LHX9: variants seen among roughly 807,000 people sequenced by gnomAD.
The protein encoded by LHX9 is LIM/homeobox protein Lhx9.
LHX9 carries 9 observed loss-of-function variants against 36.5 expected under a neutral mutation model. The observed-to-expected ratio is 0.25, with a 90% CI of 0.15 to 0.43. LHX9 has a LOEUF of 0.43. Ranked by LOEUF, LHX9 falls within the 20% of genes least tolerant of loss-of-function variation. The pLI is 1.00. For synonymous variants in LHX9, 211 were observed against 212.1 expected (o/e 0.99, Z 0.04); for missense variants, 464 against 526.4 (o/e 0.88, Z 1.16).
Position 197,933,994 on chromosome 1 carries a change from A to G in LHX9, c.*4735A>G, listed in dbSNP as rs1198319883. On this transcript the variant is annotated 3_prime_UTR_variant, in exon 5 of 5. Coordinates refer to ENST00000367387, the MANE Select transcript of LHX9 (RefSeq NM_020204.3). ...CCTGGGTTAGTCTAACTTCTGGCAG[A>G]TTGATCTTGGGCAAAAAGCTTCACT... is the stretch of plus-strand genomic sequence containing the variant. 1.3e-5 allele frequency: 2 copies of G among 152,190 alleles called. No homozygotes were observed. 9.4% of individuals were successfully genotyped at this position (152,190 alleles called of 1,614,324 possible).
chr1:197,928,933 A>C lies in LHX9; in HGVS notation c.937-69A>C, dbSNP rs574805551. The C allele has an allele frequency of 3.5e-6, 5 of 1,419,848 alleles. No individual in the cohort carries two copies. In the African/African-American group the frequency reaches 7.2e-5, roughly 21 times the overall value. The allele number at this position is 1,419,848 out of a possible 1,614,324, so 88.0% of individuals were successfully genotyped here. On this transcript the variant is annotated intron_variant, in intron 4 of 4. Coordinates refer to ENST00000367387, the MANE Select transcript of LHX9 (RefSeq NM_020204.3). ...AAGAAAGAAAAAGAAAAAAAGAAAA[A>C]GTGAGAGAGAAAGAAAAGAAATATA...
Position 197,929,019 on chromosome 1 carries a change from A to T in LHX9, c.954A>T (p.Ala318=). 6.2e-7 allele frequency: 1 copy of T among 1,609,634 alleles called. No individual in the cohort carries two copies. The highest frequency in any genetic ancestry group is 8.5e-7 in the Non-Finnish European group (1 of 1,178,080). The stretch of plus-strand genomic sequence containing the variant: ...GTTTGCAGGTTTGGTTCCAAAACGC[A>T]CGAGCCAAATTCAGAAGGAACCTTT... The part of the protein sequence containing the change: ...KRVLQVWFQN[A]RAKFRRNLLR... The change falls in exon 5 of 5, where the codon GCA becomes GCT. Residue 318 remains alanine (A), a synonymous_variant. Transcript: ENST00000367387.
intron 3 of LHX9, among the ~76,000 whole-genome samples, chr1:197,924,295 T>C (rs1557975161): frequency 6.6e-6 from 1 of 152,258 alleles, no homozygotes; most frequent in Non-Finnish European, 1.5e-5. Context: ...GTAAGGTTGA[T>C]ACTAAACTAA....
In LHX9 at chr1:197,927,723, A is replaced by G; in HGVS notation, c.866A>G (p.Asn289Ser). The change falls in exon 4 of 5, where the codon AAC (asparagine) becomes AGC (serine). Residue 289 changes from asparagine (N) to serine (S), a missense_variant. Around this residue, in one of 5 missense-constraint regions of LHX9, gnomAD observed 20 missense variants for 67.0 expected, o/e 0.30. Transcript: ENST00000367387. The stretch of plus-strand genomic sequence containing the variant: ...ACCATGAAATCCTACTTTGCCATCA[A>G]CCACAACCCGGATGCCAAGGACCTC... ...LRTMKSYFAI[N>S]HNPDAKDLKQ... The G allele has an allele frequency of 6.2e-7, 1 of 1,614,222 alleles. No homozygotes were observed. Among genetic ancestry groups the G allele is most frequent in the Non-Finnish European group, 8.5e-7 (1 of 1,180,030 alleles).
rs1308971694 is a variant in LHX9, at chr1:197,930,053, G to A, written c.*794G>A. 2.0e-5 allele frequency: 20 copies of A among 979,000 alleles called. No individual in the cohort carries two copies. Among genetic ancestry groups the A allele is most frequent in the South Asian group, 9.5e-5 (2 of 21,144 alleles). 60.6% of individuals were successfully genotyped at this position (979,000 alleles called of 1,614,324 possible). A position where few individuals can be genotyped will look rare whatever the true frequency, so the allele number is the denominator to read the frequency against. ...CTCCTAAAGCTAAAAACAATAGCTC[G>A]GAAACCATTCTTTCTAGTTACTTTT... On this transcript the variant is annotated 3_prime_UTR_variant, in exon 5 of 5. Coordinates refer to ENST00000367387, the MANE Select transcript of LHX9 (RefSeq NM_020204.3).
In LHX9 at chr1:197,934,065, T is replaced by A. The variant is rs542480838; in HGVS notation, c.*4806T>A. On this transcript the variant is annotated 3_prime_UTR_variant, in exon 5 of 5. Coordinates refer to ENST00000367387, the MANE Select transcript of LHX9 (RefSeq NM_020204.3). ...TTTGGTTGAATAGCCACCTTAATAC[T>A]GACTTACATAGTGGGTAGGTTTTTG... 4 of 152,298 alleles carry A rather than the reference T, an allele frequency of 2.6e-5. No individual in the cohort carries two copies. The highest frequency in any genetic ancestry group is 7.2e-5 in the African/African-American group (3 of 41,570). 9.4% of individuals were successfully genotyped at this position (152,298 alleles called of 1,614,324 possible).
In LHX9 at chr1:197,921,589, C is replaced by G; in HGVS notation, c.663C>G (p.Thr221=). 6.2e-7 allele frequency: 1 copy of G among 1,610,392 alleles called. No individual in the cohort carries two copies. ...TGCCTTACTTCAACGGTACGGGCACCGTGCAGAAAGGGCGGCCCCGGAAGC... is the reference window on the plus strand; with the variant it reads ...TGCCTTACTTCAACGGTACGGGCACGGTGCAGAAAGGGCGGCCCCGGAAGC... ...LALPYFNGTG[T]VQKGRPRKRK... is the part of the protein sequence containing the mutation. The change falls in exon 3 of 5, where the codon ACC becomes ACG. Residue 221 remains threonine (T), a synonymous_variant. Coordinates refer to ENST00000367387, the MANE Select transcript of LHX9 (RefSeq NM_020204.3). This position sits in a 1 kb window ranked among gnomAD's most constrained non-coding sequence, Gnocchi z 4.6.
chr1:197,912,487 A>T (rs749561965), upstream of LHX9: 4 of 1,611,294 alleles, frequency 2.5e-6, no homozygotes, highest in South Asian at 1.1e-5. Flanking sequence ...TTTCTCTGCC[A>T]GTGCAACCAC....
In LHX9 at chr1:197,919,980, C is replaced by A. The variant is rs750381252; in HGVS notation, c.183C>A (p.Pro61=). The change falls in exon 2 of 5, where the codon CCC becomes CCA. Residue 61 remains proline (P), a synonymous_variant. Coordinates refer to ENST00000367387, the MANE Select transcript of LHX9 (RefSeq NM_020204.3). ...AQLNGRDAGM[P]PLSPEKPALC... Reference sequence around the variant, plus strand: ...GTGTGCTTTCTTTGCAGGGCATGCCCCCGCTCAGCCCGGAGAAGCCCGCCC... The same window carrying A: ...GTGTGCTTTCTTTGCAGGGCATGCCACCGCTCAGCCCGGAGAAGCCCGCCC... 3 of 1,614,082 alleles carry A rather than the reference C, an allele frequency of 1.9e-6. No individual in the cohort carries two copies. The highest frequency in any genetic ancestry group is 2.5e-6 in the Non-Finnish European group (3 of 1,180,040).
rs1198390529 is a variant in LHX9 at position 197,930,991 on chromosome 1, T to G, written c.*1732T>G. 6.6e-6 allele frequency: 1 copy of G among 151,986 alleles called. No homozygotes were observed. The highest frequency in any genetic ancestry group is 2.4e-5 in the African/African-American group (1 of 41,440). 9.4% of individuals were successfully genotyped at this position (151,986 alleles called of 1,614,324 possible). A position where few individuals can be genotyped will look rare whatever the true frequency, so the allele number is the denominator to read the frequency against. On this transcript the variant is annotated 3_prime_UTR_variant, in exon 5 of 5. Coordinates refer to ENST00000367387, the MANE Select transcript of LHX9 (RefSeq NM_020204.3). Reference sequence around the variant, plus strand: ...ACTTTTACAGGTAAAATATTGACACTTATAAATTTTGTTCTTTGACAGAAC... The same window carrying G: ...ACTTTTACAGGTAAAATATTGACACGTATAAATTTTGTTCTTTGACAGAAC...
In LHX9 at chr1:197,921,929, C is replaced by T. The variant is rs1660004537; in HGVS notation, c.733+270C>T. 6.6e-6 allele frequency among the ~76,000 whole-genome samples: 1 copy of T among 152,146 alleles called. No homozygotes were observed. Among genetic ancestry groups the T allele is most frequent in the Non-Finnish European group, 1.5e-5 (1 of 68,034 alleles). On this transcript the variant is annotated intron_variant, in intron 3 of 4. Transcript: ENST00000367387. This position sits in a 1 kb window ranked among gnomAD's most constrained non-coding sequence, Gnocchi z 4.6. ...TTCCCCAAACAGGCAGAGCCAAATC[C>T]TTGTTGCCCATTAGTTAATGAGCCC...
intron 2 of LHX9, 89 bp downstream of exon 2, chr1:197,920,263 T>A (rs1659941008): frequency 7.9e-7 from 1 of 1,272,898 alleles, no homozygotes; most frequent in African/African-American, 1.5e-5. Flanking sequence ...GTCCCCTACC[T>A]TTTGCCCCAT....
rs143233310 is a variant in LHX9 at position 197,917,635 on chromosome 1, A to G, written c.-189A>G. 1,051 of 1,508,202 alleles carry G rather than the reference A, an allele frequency of 7.0e-4. 6 individuals are homozygous for G. In the African/African-American group the frequency reaches 0.012, roughly 18 times the overall value. 93.4% of individuals were successfully genotyped at this position (1,508,202 alleles called of 1,614,324 possible). A position where few individuals can be genotyped will look rare whatever the true frequency, so the allele number is the denominator to read the frequency against. On this transcript the variant is annotated 5_prime_UTR_variant, in exon 1 of 5. Coordinates refer to ENST00000367387, the MANE Select transcript of LHX9 (RefSeq NM_020204.3). ...AGGGAGCCGCTGAGGCTTCCCCCCAACTCTTCCCAGTTCTTTTTGCTTCCC... is the reference window on the plus strand; with the variant it reads ...AGGGAGCCGCTGAGGCTTCCCCCCAGCTCTTCCCAGTTCTTTTTGCTTCCC...
chr1:197,926,407 GA>G (rs1193391650), intron 3 of LHX9, among the ~76,000 whole-genome samples: 6 of 152,044 alleles, frequency 3.9e-5, no homozygotes, highest in Admixed American at 2.0e-4. Flanking sequence ...AGAATTTAAA[GA>G]AAAAAAATTA....
At chr1:197,918,444 G>C (rs375015800) in intron 1 of LHX9, 4 of 711,326 alleles carry the variant, frequency 5.6e-6, no homozygotes, top group African/African-American at 3.5e-5. Context: ...CCTGATGACC[G>C]GACCTGTGGA....
rs778347673 is a variant in LHX9 at position 197,917,413 on chromosome 1, G to A, written c.-411G>A. On this transcript the variant is annotated 5_prime_UTR_variant, in exon 1 of 5. Transcript: ENST00000367387. Reference sequence around the variant, plus strand: ...TACAGGCACTGGGAACTTGCAAGCAGCCAGGGAACGCTGAAAATAGCACGT... The same window carrying A: ...TACAGGCACTGGGAACTTGCAAGCAACCAGGGAACGCTGAAAATAGCACGT... 6.0e-5 allele frequency: 79 copies of A among 1,309,284 alleles called. No homozygotes were observed. The highest frequency in any genetic ancestry group is 7.8e-5 in the Non-Finnish European group (77 of 992,550). 81.1% of individuals were successfully genotyped at this position (1,309,284 alleles called of 1,614,324 possible). A position where few individuals can be genotyped will look rare whatever the true frequency, so the allele number is the denominator to read the frequency against.
chr1:197,929,955 A>G lies in LHX9; in HGVS notation c.*696A>G, dbSNP rs553066304. ...TTTACTTGGTTATTTGTTTTTCAACATTTGAAAAATACTTAAGCTCCCTAT... is the reference window on the plus strand; with the variant it reads ...TTTACTTGGTTATTTGTTTTTCAACGTTTGAAAAATACTTAAGCTCCCTAT... On this transcript the variant is annotated 3_prime_UTR_variant, in exon 5 of 5. Transcript: ENST00000367387. The G allele has an allele frequency of 2.0e-6, 2 of 983,782 alleles. No individual in the cohort carries two copies. Among genetic ancestry groups the G allele is most frequent in the Admixed American group, 6.1e-5 (1 of 16,272 alleles). The allele number at this position is 983,782 out of a possible 1,614,324, so 60.9% of individuals were successfully genotyped here.
rs1489792689 is a variant in LHX9 at position 197,933,971 on chromosome 1, T to C, written c.*4712T>C. 2.0e-5 allele frequency: 3 copies of C among 152,192 alleles called. No homozygotes were observed. In the East Asian group the frequency reaches 5.8e-4, roughly 29 times the overall value. 9.4% of individuals were successfully genotyped at this position (152,192 alleles called of 1,614,324 possible). On this transcript the variant is annotated 3_prime_UTR_variant, in exon 5 of 5. Coordinates refer to ENST00000367387, the MANE Select transcript of LHX9 (RefSeq NM_020204.3). Reference sequence around the variant, plus strand: ...TCATAGCTTCTACCTCCCAGTTGCCTGGGTTAGTCTAACTTCTGGCAGATT... The same window carrying C: ...TCATAGCTTCTACCTCCCAGTTGCCCGGGTTAGTCTAACTTCTGGCAGATT...
intron 3 of LHX9, 64 bp from the exon 4 acceptor site, chr1:197,927,527 C>T (rs1367148617): frequency 5.1e-6 from 7 of 1,372,902 alleles, no homozygotes; most frequent in South Asian, 1.2e-5. Flanking sequence ...ATACAGCCTG[C>T]CATCATGTCA....
Sources: gnomAD v4.1 joint callset for allele counts (sites outside exome capture counted in the v4.1 genomes callset) on GRCh38, gnomAD v4.1.1 for gene constraint, gnomAD v4.1.1 regional missense constraint, Gnocchi (gnomAD v3.1) non-coding constraint, MANE v1.5 for transcripts, NCBI Gene and HGNC (gene_info 2026-07-23, HGNC 2026-07-21) for gene names.